GLYAT: variants seen among roughly 807,000 people sequenced by gnomAD.
GLYAT encodes glycine-N-acyltransferase, also known as glycine N-acyltransferase.
Under a neutral mutation model 22.8 loss-of-function variants are expected in GLYAT, and 25 were observed. That is an observed-to-expected ratio of 1.09 (90% CI 0.80 to 1.53). The LOEUF (loss-of-function observed/expected upper bound fraction) is 1.53, where lower values mean the gene tolerates loss of function less well. GLYAT is among the 40% of genes most tolerant of loss of function. The probability of loss-of-function intolerance (pLI) is 0.00; values close to 1 mark genes in which losing one functional copy is unlikely to be tolerated. For missense variants in GLYAT, 411 were observed against 353.9 expected (o/e 1.16, Z -1.29); for synonymous variants, 140 against 122.7 (o/e 1.14, Z -0.93).
At chr11:58,716,671 C>G (rs1856684715) in intron 2 of GLYAT, among the ~76,000 whole-genome samples, 1 of 152,006 alleles carries the variant, frequency 6.6e-6, no homozygotes, top group Non-Finnish European at 1.5e-5. Context: ...TTATTAAAAT[C>G]CTTTTTAGTC....
rs1388916959 is a variant in GLYAT at position 58,709,787 on chromosome 11, C to T, written c.870G>A (p.Gln290=). 6.2e-7 allele frequency: 1 copy of T among 1,612,138 alleles called. No homozygotes were observed. Among genetic ancestry groups the T allele is most frequent in the South Asian group, 1.1e-5 (1 of 90,660 alleles). The change falls in exon 6 of 6, where the codon CAG becomes CAA. Residue 290 remains glutamine, a synonymous_variant. Coordinates refer to ENST00000344743, the MANE Select transcript of GLYAT (RefSeq NM_201648.3). ...QHVPIPRSWN[Q]WNCVPL ...GGCATCACAGAGGTACACAGTTCCA[C>T]TGGTTCCAGCTTCTGGGAATGGGAA... is the stretch of plus-strand genomic sequence containing the variant.
At position 58,715,434 on chromosome 11, in the gene GLYAT, C is replaced by A; in HGVS notation, c.82-11G>T. 1 of 1,249,048 alleles carries A rather than the reference C, an allele frequency of 8.0e-7. No individual in the cohort carries two copies. Among genetic ancestry groups the A allele is most frequent in the Admixed American group, 1.8e-5 (1 of 56,214 alleles). 77.4% of individuals were successfully genotyped at this position (1,249,048 alleles called of 1,614,324 possible). On this transcript the variant is annotated splice_polypyrimidine_tract_variant and intron_variant, in intron 2 of 5. Coordinates refer to ENST00000344743, the MANE Select transcript of GLYAT (RefSeq NM_201648.3). ...GACAGTTCCATAAACCTGCAGGATC[C>A]CAAGAAATTGACAGGGTTGGTTTAT...
intron 1 of GLYAT, among the ~76,000 whole-genome samples, chr11:58,730,759 T>C (rs1024019420): frequency 6.6e-6 from 1 of 152,076 alleles, no homozygotes; most frequent in Non-Finnish European, 1.5e-5. Context: ...TAACAGAGTG[T>C]CTCTAAATAC....
In GLYAT at chr11:58,709,944, C is replaced by T. The variant is rs754331658; in HGVS notation, c.713G>A (p.Arg238Gln). 5.8e-5 allele frequency: 93 copies of T among 1,613,922 alleles called. No individual in the cohort carries two copies. The highest frequency in any genetic ancestry group is 1.1e-4 in the East Asian group (5 of 44,888). ...MRMAGTLPEY[R>Q]LHGLVTYVIY... ...GACATACGTCACAAGGCCATGGAGC[C>T]GGTATTCCGGCAAGGTGCCTGCCAT... Residue 238 changes from arginine (R) to glutamine (Q), a missense_variant, in exon 6 of 6, where the codon CGG (arginine) becomes CAG (glutamine). Physicochemically the swap from Arg to Gln is conservative, Grantham distance 43. Transcript: ENST00000344743.
At chr11:58,730,496 T>G (rs1856861043) in intron 1 of GLYAT, among the ~76,000 whole-genome samples, 1 of 152,214 alleles carries the variant, frequency 6.6e-6, no homozygotes, top group South Asian at 2.1e-4. Flanking sequence ...ACTACCTTGC[T>G]TTTACTGCAG....
At chr11:58,715,892 AC>A (rs747446462) in intron 2 of GLYAT, among the ~76,000 whole-genome samples, 129 of 152,282 alleles carry the variant, frequency 8.5e-4, no homozygotes, top group Non-Finnish European at 9.1e-4. Flanking sequence ...ATGTTCTTTC[AC>A]AGGAATCTTT....
chr11:58,719,602 G>A (rs1451769577), intron 2 of GLYAT, among the ~76,000 whole-genome samples: 2 of 151,936 alleles, frequency 1.3e-5, no homozygotes, highest in African/African-American at 2.4e-5. Flanking sequence ...GAGTTGAGTA[G>A]CTTTAATTTA....
chr11:58,724,578 C>A (rs1382679994), intron 1 of GLYAT, 67 bp from the exon 2 acceptor site: 2 of 769,932 alleles, frequency 2.6e-6, no homozygotes, highest in Non-Finnish European at 1.9e-6. Context: ...ACAAGAGTAG[C>A]AAGTTCTTTA....
chr11:58,715,493 G>A (rs1856669557), intron 2 of GLYAT, 70 bp from the exon 3 acceptor site: 2 of 705,962 alleles, frequency 2.8e-6, no homozygotes, highest in Non-Finnish European at 5.0e-6. Context: ...TGCTTGATTA[G>A]GACAAAAATT....
chr11:58,710,336 T>A, intron 5 of GLYAT, 168 bp from the exon 6 acceptor site: 1 of 1,195,342 alleles, frequency 8.4e-7, no homozygotes, highest in Non-Finnish European at 1.1e-6. Flanking sequence ...GTCAGAGCTG[T>A]TGGAGGAAGA....
At chr11:58,717,608 G>T (rs1856700024) in intron 2 of GLYAT, among the ~76,000 whole-genome samples, 1 of 151,894 alleles carries the variant, frequency 6.6e-6, no homozygotes, top group African/African-American at 2.4e-5. Flanking sequence ...TTGTAGCCAA[G>T]AAAAATAGAA....
intron 1 of GLYAT, among the ~76,000 whole-genome samples, chr11:58,724,777 A>G (rs1856795355): frequency 6.6e-6 from 1 of 152,080 alleles, no homozygotes; most frequent in African/African-American, 2.4e-5. Flanking sequence ...AATACACATA[A>G]TATCTTTTGA....
intron 2 of GLYAT, among the ~76,000 whole-genome samples, chr11:58,721,484 A>G (rs915512983): frequency 6.6e-6 from 1 of 152,048 alleles, no homozygotes; most frequent in African/African-American, 2.4e-5. Flanking sequence ...AAAACAAAAC[A>G]AAAAAACTTT....
At chr11:58,718,775 A>T (rs1794427666) in intron 2 of GLYAT, among the ~76,000 whole-genome samples, 1 of 152,002 alleles carries the variant, frequency 6.6e-6, no homozygotes, top group Non-Finnish European at 1.5e-5. Context: ...TGACCAAAAC[A>T]AGACAATAAT....
chr11:58,728,218 A>C (rs1856830093), intron 1 of GLYAT, among the ~76,000 whole-genome samples: 1 of 151,670 alleles, frequency 6.6e-6, no homozygotes. Context: ...ACGCAACACC[A>C]CACCCAAGTA....
intron 2 of GLYAT, among the ~76,000 whole-genome samples, chr11:58,723,950 T>C (rs1373861479): frequency 6.6e-6 from 1 of 152,104 alleles, no homozygotes; most frequent in Non-Finnish European, 1.5e-5. Context: ...TGATCTGTTA[T>C]TAATTTCAAA....
At chr11:58,719,481 C>A (rs1307515131) in intron 2 of GLYAT, among the ~76,000 whole-genome samples, 1 of 151,872 alleles carries the variant, frequency 6.6e-6, no homozygotes, top group African/African-American at 2.4e-5. Flanking sequence ...ATCAGTGTTC[C>A]TTTGACATTA....
chr11:58,709,803 G>A lies in GLYAT; in HGVS notation c.854C>T (p.Pro285Leu). 5.6e-6 allele frequency: 9 copies of A among 1,613,546 alleles called. No homozygotes were observed. Among genetic ancestry groups the A allele is most frequent in the Non-Finnish European group, 7.6e-6 (9 of 1,179,604 alleles). ...MSYTLQHVPI[P>L]RSWNQWNCVP... ...ACAGTTCCACTGGTTCCAGCTTCTG[G>A]GAATGGGAACATGTTGCAGTGTGTA... The change falls in exon 6 of 6, where the codon CCC becomes CTC. Residue 285 changes from proline to leucine, a missense_variant. Physicochemically the swap from Pro to Leu is moderately conservative, Grantham distance 98 (BLOSUM62 -3). Coordinates refer to ENST00000344743, the MANE Select transcript of GLYAT (RefSeq NM_201648.3).
At chr11:58,725,180 C>T (rs558402534) in intron 1 of GLYAT, among the ~76,000 whole-genome samples, 1 of 152,096 alleles carries the variant, frequency 6.6e-6, no homozygotes. Context: ...GCATCATATT[C>T]AAAACTTGTA....
Sources: allele counts gnomAD v4.1 joint callset (sites outside exome capture counted in the v4.1 genomes callset), GRCh38; gene constraint gnomAD v4.1.1; transcripts MANE v1.5; gene names NCBI Gene and HGNC (gene_info 2026-07-23, HGNC 2026-07-21).